The following PCDH15 variants were observed in gnomAD, a reference collection of about 807,000 sequenced individuals.
PCDH15 encodes the protein protocadherin-15.
A neutral mutation model predicts 178.5 loss-of-function variants in PCDH15; 129 were observed. The observed-to-expected ratio is 0.72, with a 90% CI of 0.63 to 0.84. The LOEUF (loss-of-function observed/expected upper bound fraction) is 0.84, where lower values mean the gene tolerates loss of function less well. Ranked by LOEUF, PCDH15 falls within the 40% of genes least tolerant of loss-of-function variation. The pLI is 0.00. For synonymous variants in PCDH15, 800 were observed against 732.0 expected, an observed-to-expected ratio of 1.09 and a Z score of -1.50; for missense variants, 2,230 against 2,099.9, an observed-to-expected ratio of 1.06 and a Z score of -1.21.
chr10:53,827,277 A>G (rs1486324397), intron 32 of PCDH15, 116 bp downstream of exon 32: 2 of 1,301,380 alleles, frequency 1.5e-6, no homozygotes, highest in Non-Finnish European at 2.0e-6. Context: ...TGAAAATAAT[A>G]GAATAAAATA....
intron 2 of PCDH15, among the ~76,000 whole-genome samples, chr10:55,326,491 A>T (rs1334023224): frequency 6.6e-6 from 1 of 152,094 alleles, no homozygotes; most frequent in Non-Finnish European, 1.5e-5. Flanking sequence ...AAATAAAACC[A>T]AATACTGCAG....
intron 2 of PCDH15, among the ~76,000 whole-genome samples, chr10:55,567,926 G>A (rs1227018494): frequency 1.3e-5 from 2 of 151,918 alleles, no homozygotes; most frequent in African/African-American, 4.8e-5. Flanking sequence ...TAATAATTTG[G>A]TAAGAATGGA....
At chr10:55,151,399 C>T (rs7904667) in intron 2 of PCDH15, among the ~76,000 whole-genome samples, 55,477 of 151,776 alleles carry the variant, frequency 0.37, 10,527 homozygotes, top group Admixed American at 0.46. Context: ...TATTAAGTGA[C>T]TTTATATATG....
chr10:54,541,861 G>GA (rs2085270250), intron 2 of PCDH15, among the ~76,000 whole-genome samples: 2 of 152,126 alleles, frequency 1.3e-5, no homozygotes, highest in Admixed American at 1.3e-4. Context: ...AAAAGCTGCA[G>GA]AATCAATGTC....
intron 1 of PCDH15, among the ~76,000 whole-genome samples, chr10:55,246,279 A>G (rs1481237342): frequency 6.6e-6 from 1 of 152,180 alleles, no homozygotes; most frequent in East Asian, 1.9e-4. Context: ...TTGCTTTCAC[A>G]GCACTCTGAA....
chr10:54,398,408 C>T (rs1951512446), intron 3 of PCDH15, among the ~76,000 whole-genome samples: 1 of 151,872 alleles, frequency 6.6e-6, no homozygotes, highest in African/African-American at 2.4e-5. Context: ...CAAAGGTGCT[C>T]AGAAACAATG....
chr10:55,296,513 T>C (rs1843135946), intron 1 of PCDH15, among the ~76,000 whole-genome samples: 2 of 152,308 alleles, frequency 1.3e-5, no homozygotes, highest in South Asian at 4.1e-4. Flanking sequence ...TTTGAAGCTC[T>C]TGTGTTAGGA....
intron 2 of PCDH15, among the ~76,000 whole-genome samples, chr10:54,973,338 T>G (rs1276316624): frequency 4.6e-5 from 7 of 152,306 alleles, no homozygotes; most frequent in African/African-American, 1.2e-4. Flanking sequence ...CCTTGAAACC[T>G]CTCTCAAATT....
intron 2 of PCDH15, among the ~76,000 whole-genome samples, chr10:55,359,926 A>T (rs1297845344): frequency 6.6e-6 from 1 of 151,744 alleles, no homozygotes; most frequent in Non-Finnish European, 1.5e-5. Context: ...TTAAATGTAG[A>T]ATCTAAAAAA....
chr10:54,029,265 G>T (rs911455829), intron 18 of PCDH15, among the ~76,000 whole-genome samples: 2 of 152,118 alleles, frequency 1.3e-5, no homozygotes, highest in African/African-American at 4.8e-5. Context: ...TAGTCAAGCA[G>T]CTCAGTGTAT....
At chr10:54,764,570 G>T (rs566766549) in intron 1 of PCDH15, among the ~76,000 whole-genome samples, 1 of 152,100 alleles carries the variant, frequency 6.6e-6, no homozygotes, top group Admixed American at 6.6e-5. Context: ...GGCAATTTCA[G>T]TGTTGACTAT....
chr10:55,028,778 T>G (rs1054525582), intron 2 of PCDH15, among the ~76,000 whole-genome samples: 3 of 152,014 alleles, frequency 2.0e-5, no homozygotes, highest in African/African-American at 7.2e-5. Flanking sequence ...TTGTCTGGTG[T>G]TGTAAGCTAC....
At chr10:55,471,749 G>A (rs1589058355) in intron 2 of PCDH15, among the ~76,000 whole-genome samples, 1 of 152,166 alleles carries the variant, frequency 6.6e-6, no homozygotes, top group South Asian at 2.1e-4. Context: ...TTCTAAACAA[G>A]GTCTCTTTGC....
intron 3 of PCDH15, among the ~76,000 whole-genome samples, chr10:54,811,680 A>G (rs888378450): frequency 2.0e-5 from 3 of 152,242 alleles, no homozygotes; most frequent in Admixed American, 6.5e-5. Flanking sequence ...CATGTTGGCC[A>G]GGATGGTCTC....
chr10:55,593,434 A>G (rs1427266859), intron 2 of PCDH15, among the ~76,000 whole-genome samples: 3 of 151,990 alleles, frequency 2.0e-5, no homozygotes, highest in Non-Finnish European at 4.4e-5. Context: ...AATTTTTTCA[A>G]TAAAAATTAA....
intron 2 of PCDH15, among the ~76,000 whole-genome samples, chr10:55,596,217 C>T (rs1369261740): frequency 1.3e-5 from 2 of 151,958 alleles, no homozygotes; most frequent in Non-Finnish European, 2.9e-5. Context: ...AATAATGTAA[C>T]ACTTTATTGG....
chr10:53,828,240 A>AAT (rs2076820208), intron 31 of PCDH15, among the ~76,000 whole-genome samples: 1 of 132,378 alleles, frequency 7.6e-6, no homozygotes, highest in African/African-American at 2.9e-5. Flanking sequence ...AAAAAAAAAA[A>AAT]ATTCCTAGGA....
chr10:54,376,175 A>G (rs1332625897), intron 4 of PCDH15, among the ~76,000 whole-genome samples: 2 of 151,936 alleles, frequency 1.3e-5, no homozygotes, highest in East Asian at 3.9e-4. Context: ...GATTACAGGC[A>G]TGAGCCATCA....
chr10:54,902,170 T>A (rs1954648343), intron 2 of PCDH15, among the ~76,000 whole-genome samples: 1 of 152,226 alleles, frequency 6.6e-6, no homozygotes, highest in Non-Finnish European at 1.5e-5. Flanking sequence ...ATTAAGTTGT[T>A]GGACTTAATC....
Sources: gnomAD v4.1 joint callset for allele counts (sites outside exome capture counted in the v4.1 genomes callset) on GRCh38, gnomAD v4.1.1 for gene constraint, MANE v1.5 for transcripts, NCBI Gene and HGNC (gene_info 2026-07-23, HGNC 2026-07-21) for gene names.